KATNAL1: variants seen among roughly 807,000 people sequenced by gnomAD.
KATNAL1 encodes the protein katanin catalytic subunit A1 like 1.
Under a neutral mutation model 55.2 loss-of-function variants are expected in KATNAL1, and 32 were observed. The observed-to-expected ratio is 0.58, with a 90% CI of 0.44 to 0.78. KATNAL1 has a LOEUF of 0.78. Ranked by LOEUF, KATNAL1 falls within the 30% of genes least tolerant of loss-of-function variation. The pLI is 0.00. For synonymous variants in KATNAL1, 193 were observed against 193.6 expected (o/e 1.00, Z 0.02); for missense variants, 466 against 600.9 (o/e 0.78, Z 2.35).
intron 1 of KATNAL1, chr13:30,296,120 G>C: frequency 2.4e-6 from 1 of 417,466 alleles, no homozygotes; most frequent in Non-Finnish European, 4.4e-6. Context: ...CGTGCATCTA[G>C]CCTTTGCCCA....
intron 4 of KATNAL1, among the ~76,000 whole-genome samples, chr13:30,242,057 C>T (rs1377131689): frequency 6.6e-6 from 1 of 152,088 alleles, no homozygotes; most frequent in African/African-American, 2.4e-5. Flanking sequence ...AACATAACAT[C>T]AACAAACTTA....
rs1290722960 is a variant in KATNAL1, at chr13:30,207,012, A to C, written c.*1528T>G. On this transcript the variant is annotated 3_prime_UTR_variant, in exon 11 of 11. Coordinates refer to ENST00000380615, the MANE Select transcript of KATNAL1 (RefSeq NM_032116.5). ...TCTGAAAAGAACATAAGGCATTTAC[A>C]GTTTTTAGCAGGGAAAAATAATCAA... is the stretch of plus-strand genomic sequence containing the variant. 6.6e-6 allele frequency: 1 copy of C among 152,182 alleles called. No homozygotes were observed. The highest frequency in any genetic ancestry group is 1.5e-5 in the Non-Finnish European group (1 of 68,028). 9.4% of individuals were successfully genotyped at this position (152,182 alleles called of 1,614,324 possible). A position where few individuals can be genotyped will look rare whatever the true frequency, so the allele number is the denominator to read the frequency against.
intron 9 of KATNAL1, among the ~76,000 whole-genome samples, chr13:30,214,317 G>C (rs546348553): frequency 0.01 from 1,525 of 152,242 alleles, 23 homozygotes; most frequent in African/African-American, 0.034. Flanking sequence ...TGGGTAGGAA[G>C]AATCAATATC....
At chr13:30,269,968 T>A (rs1880142808) in intron 3 of KATNAL1, among the ~76,000 whole-genome samples, 1 of 134,766 alleles carries the variant, frequency 7.4e-6, no homozygotes, top group Non-Finnish European at 1.6e-5. Context: ...CGGCCACCCC[T>A]ACTGGGAAGT....
Position 30,280,043 on chromosome 13 carries a change from G to C in KATNAL1, c.323+20C>G. On this transcript the variant is annotated intron_variant, in intron 3 of 10. Coordinates refer to ENST00000380615, the MANE Select transcript of KATNAL1 (RefSeq NM_032116.5). ...TCAATTAACTAGAAGCACCTAAAGA[G>C]AATATAAAGTCCTATTTACCTGTGT... The C allele has an allele frequency of 6.3e-7, 1 of 1,594,740 alleles. No individual in the cohort carries two copies. The highest frequency in any genetic ancestry group is 8.5e-7 in the Non-Finnish European group (1 of 1,173,558).
chr13:30,272,851 G>C (rs894285494), intron 3 of KATNAL1, among the ~76,000 whole-genome samples: 1 of 152,152 alleles, frequency 6.6e-6, no homozygotes, highest in Admixed American at 6.5e-5. Flanking sequence ...TCAGAATTTA[G>C]ACCCTGAAAA....
At chr13:30,306,706 G>A (rs1883199951) in intron 1 of KATNAL1, 1 of 152,182 alleles carries the variant, frequency 6.6e-6, no homozygotes, top group South Asian at 2.1e-4. Context: ...CAGGAAAGGA[G>A]AAAAACCTGT....
intron 4 of KATNAL1, among the ~76,000 whole-genome samples, chr13:30,251,381 T>C (rs1878301477): frequency 6.6e-6 from 1 of 152,178 alleles, no homozygotes; most frequent in Non-Finnish European, 1.5e-5. Flanking sequence ...TTCATGTTGG[T>C]ATCTAAGCCC....
At chr13:30,274,899 G>GCACACACACACACA (rs1437272219) in intron 3 of KATNAL1, among the ~76,000 whole-genome samples, 3 of 112,328 alleles carry the variant, frequency 2.7e-5, no homozygotes, top group Non-Finnish European at 5.3e-5. Flanking sequence ...ATACGCGCGC[G>GCACACACACACACA]CGCGCGCGCA....
intron 6 of KATNAL1, among the ~76,000 whole-genome samples, chr13:30,233,714 A>C (rs1876352187): frequency 6.6e-6 from 1 of 152,220 alleles, no homozygotes; most frequent in East Asian, 1.9e-4. Context: ...CAATGGATGA[A>C]TGGAAAAAGA....
At chr13:30,304,472 C>A (rs561337095) in intron 1 of KATNAL1, among the ~76,000 whole-genome samples, 5 of 152,050 alleles carry the variant, frequency 3.3e-5, no homozygotes, top group African/African-American at 7.3e-5. Flanking sequence ...GTTTCACCAT[C>A]TTGGCCAGGA....
intron 8 of KATNAL1, among the ~76,000 whole-genome samples, chr13:30,229,160 C>T (rs1002767122): frequency 4.6e-5 from 7 of 152,090 alleles, no homozygotes; most frequent in African/African-American, 1.2e-4. Context: ...GCTCTGAGCC[C>T]ATAACCCTTT....
intron 1 of KATNAL1, chr13:30,296,165 T>C: frequency 1.7e-6 from 1 of 580,286 alleles, no homozygotes; most frequent in South Asian, 2.0e-5. Context: ...AGGTAATGCG[T>C]GCATGGGAAA....
chr13:30,277,790 C>T (rs868422075), intron 3 of KATNAL1, among the ~76,000 whole-genome samples: 16 of 151,276 alleles, frequency 1.1e-4, no homozygotes, highest in Admixed American at 2.0e-4. Context: ...GAGACCATCC[C>T]GGCTAAAACG....
intron 4 of KATNAL1, among the ~76,000 whole-genome samples, chr13:30,241,577 G>C (rs768567794): frequency 6.6e-6 from 1 of 152,104 alleles, no homozygotes; most frequent in Non-Finnish European, 1.5e-5. Context: ...CAGCTTTGAC[G>C]AGCTTTAAAT....
chr13:30,242,044 A>G (rs766874416), intron 4 of KATNAL1, among the ~76,000 whole-genome samples: 1 of 152,238 alleles, frequency 6.6e-6, no homozygotes, highest in Admixed American at 6.5e-5. Flanking sequence ...CACCTACACA[A>G]GAAACATAAC....
intron 9 of KATNAL1, among the ~76,000 whole-genome samples, chr13:30,215,534 A>C (rs1874132192): frequency 6.6e-6 from 1 of 152,254 alleles, no homozygotes; most frequent in Non-Finnish European, 1.5e-5. Context: ...CCAAATGTCC[A>C]ACAATGATAA....
chr13:30,247,438 C>G (rs542472689), intron 4 of KATNAL1, among the ~76,000 whole-genome samples: 18 of 152,284 alleles, frequency 1.2e-4, no homozygotes, highest in Admixed American at 2.6e-4. Flanking sequence ...CAATATTTGC[C>G]AGTACTATGT....
At chr13:30,233,194 T>C (rs999910317) in intron 6 of KATNAL1, among the ~76,000 whole-genome samples, 7 of 152,044 alleles carry the variant, frequency 4.6e-5, no homozygotes, top group African/African-American at 1.7e-4. Context: ...AGAAAATATA[T>C]GCAAAATATC....
Sources: allele counts gnomAD v4.1 joint callset (sites outside exome capture counted in the v4.1 genomes callset), GRCh38; gene constraint gnomAD v4.1.1; transcripts MANE v1.5; gene names NCBI Gene and HGNC (gene_info 2026-07-23, HGNC 2026-07-21).